The following COL4A5 variants were observed in gnomAD, a reference collection of about 807,000 sequenced individuals.
COL4A5 encodes the protein collagen type IV alpha 5 chain, also known as collagen alpha-5(IV) chain.
In COL4A5, 26 loss-of-function variants were observed where a neutral mutation model predicts 130.2. The ratio of observed to expected loss-of-function variants is 0.20; its 90% CI spans 0.15 to 0.28. The LOEUF is 0.28. COL4A5 is among the 10% of genes least tolerant of loss of function. COL4A5 has a pLI of 1.00. For synonymous variants in COL4A5, 496 were observed against 439.6 expected (o/e 1.13, Z -1.60); for missense variants, 1,131 against 1,344.3 (o/e 0.84, Z 2.48).
At chrX:108,474,426 A>C (rs1427652171) in intron 1 of COL4A5, among the ~76,000 whole-genome samples, 1 of 112,074 alleles carries the variant, frequency 8.9e-6, no homozygotes, top group Non-Finnish European at 1.9e-5. Flanking sequence ...GCCTAGAAGC[A>C]ATAGATTATA....
At chrX:108,683,665 G>A (rs2068484183) in intron 47 of COL4A5, among the ~76,000 whole-genome samples, 1 of 111,389 alleles carries the variant, frequency 9.0e-6, no homozygotes, top group African/African-American at 3.3e-5. Flanking sequence ...AATTGTGAAT[G>A]GGAGTTCACT....
Position 108,584,532 on chromosome X carries a change from T to A in COL4A5, c.1032+7T>A, listed in dbSNP as rs1482887267. ...ACCTGGACCTCCTGGACTTGTAAGT[T>A]TTTTTTTTTTAGTCTTCGTTTATCA... On this transcript the variant is annotated splice_region_variant and intron_variant, in intron 18 of 52. Transcript: ENST00000328300. The A allele has an allele frequency of 8.7e-7, 1 of 1,143,850 alleles. No homozygotes were observed. The highest frequency in any genetic ancestry group is 1.2e-6 in the Non-Finnish European group (1 of 846,659). The allele number at this position is 1,143,850 out of a possible 1,213,427, so 94.3% of individuals were successfully genotyped here. A position where few individuals can be genotyped will look rare whatever the true frequency, so the allele number is the denominator to read the frequency against.
chrX:108,606,888 A>G lies in COL4A5; in HGVS notation c.2391A>G (p.Pro797=). Residue 797 remains proline, a synonymous_variant, in exon 29 of 53, where the codon CCA becomes CCG. Transcript: ENST00000328300. ...GRTGLDGLPG[P]KGDVGPNGQP... is the part of the protein sequence containing the mutation. ...CTGGCTTAGATGGGCTCCCTGGACC[A>G]AAAGGTATGGAGGCTGTCACTGCAT... 8.3e-7 allele frequency: 1 copy of G among 1,210,879 alleles called. No homozygotes were observed. The highest frequency in any genetic ancestry group is 1.1e-6 in the Non-Finnish European group (1 of 894,644).
intron 2 of COL4A5, among the ~76,000 whole-genome samples, chrX:108,551,110 A>G (rs1179492848): frequency 8.9e-6 from 1 of 111,859 alleles, no homozygotes; most frequent in Admixed American, 9.5e-5. Flanking sequence ...TAAGTTCCCA[A>G]AAGCAATTTC....
chrX:108,654,815 T>C (rs935706524), intron 36 of COL4A5, among the ~76,000 whole-genome samples: 3 of 112,356 alleles, frequency 2.7e-5, no homozygotes, highest in African/African-American at 9.7e-5. Context: ...CAGTAGAACG[T>C]ACTATAGCTT....
chrX:108,684,534 C>G (rs768716107), intron 47 of COL4A5, among the ~76,000 whole-genome samples: 1 of 112,053 alleles, frequency 8.9e-6, no homozygotes, highest in Non-Finnish European at 1.9e-5. Context: ...ACACGTACCC[C>G]CTCTCAAGAC....
chrX:108,559,368 T>C (rs1380258368), intron 3 of COL4A5, among the ~76,000 whole-genome samples: 1 of 112,650 alleles, frequency 8.9e-6, no homozygotes, highest in African/African-American at 3.2e-5. Flanking sequence ...ATGCTGTTGA[T>C]TGTTTGTAGT....
At chrX:108,649,527 C>G in intron 36 of COL4A5, among the ~76,000 whole-genome samples, 1 of 112,017 alleles carries the variant, frequency 8.9e-6, no homozygotes, top group Non-Finnish European at 1.9e-5. Context: ...GCCATAGTCA[C>G]CAAAACAGCA....
At chrX:108,446,699 G>A (rs2064455906) in intron 1 of COL4A5, among the ~76,000 whole-genome samples, 1 of 111,755 alleles carries the variant, frequency 8.9e-6, no homozygotes, top group Non-Finnish European at 1.9e-5. Flanking sequence ...TTAAACCAAG[G>A]CTCTAGAACC....
chrX:108,467,238 G>A lies in COL4A5; in HGVS notation c.81+27032G>A, dbSNP rs138295267. On this transcript the variant is annotated intron_variant, in intron 1 of 52. Transcript: ENST00000328300. ...GGTCCAACTTTATTCTTTTAAATGT[G>A]GATATACAGTTGTCCCAGCTGTTAT... 8.6e-4 allele frequency among the ~76,000 whole-genome samples: 96 copies of A among 111,605 alleles called. 1 individual carries two copies. Among genetic ancestry groups the A allele is most frequent in the African/African-American group, 2.8e-3 (87 of 30,731 alleles).
chrX:108,642,275 C>T (rs1346260454), intron 36 of COL4A5, among the ~76,000 whole-genome samples: 4 of 110,430 alleles, frequency 3.6e-5, no homozygotes, highest in African/African-American at 1.3e-4. Flanking sequence ...CCTAGCCCTG[C>T]CCCCACCTGA....
intron 36 of COL4A5, among the ~76,000 whole-genome samples, chrX:108,645,729 C>T (rs1266797393): frequency 1.0e-5 from 1 of 98,879 alleles, no homozygotes; most frequent in African/African-American, 3.8e-5. Flanking sequence ...CTCCTTCCCC[C>T]CTCCCCCGAC....
chrX:108,694,708 A>T, intron 50 of COL4A5, 99 bp from the exon 51 acceptor site: 1 of 628,274 alleles, frequency 1.6e-6, no homozygotes. Flanking sequence ...AAGAGACATT[A>T]ATCGGCTTCC....
chrX:108,480,913 A>T (rs1476176352), intron 1 of COL4A5, among the ~76,000 whole-genome samples: 3 of 111,876 alleles, frequency 2.7e-5, no homozygotes, highest in African/African-American at 9.7e-5. Flanking sequence ...ATTGTTGTTG[A>T]CTTACTATTT....
At chrX:108,666,665 C>A in intron 39 of COL4A5, 71 bp downstream of exon 39, 1 of 865,325 alleles carries the variant, frequency 1.2e-6, no homozygotes, top group Non-Finnish European at 1.7e-6. Flanking sequence ...CTTTTTATTA[C>A]CCACAGTGAA....
At chrX:108,478,937 A>G (rs1172898677) in intron 1 of COL4A5, among the ~76,000 whole-genome samples, 1 of 112,007 alleles carries the variant, frequency 8.9e-6, no homozygotes, top group Non-Finnish European at 1.9e-5. Context: ...TGCCATATCG[A>G]GTGCTCATTT....
chrX:108,602,086 A>G (rs767455779), intron 27 of COL4A5, 97 bp downstream of exon 27: 1 of 499,095 alleles, frequency 2.0e-6, no homozygotes, highest in South Asian at 2.7e-5. Context: ...TATTAATTGC[A>G]CCTTTTTTCT....
intron 1 of COL4A5, among the ~76,000 whole-genome samples, chrX:108,448,149 T>C (rs2064473542): frequency 8.9e-6 from 1 of 112,374 alleles, no homozygotes; most frequent in Non-Finnish European, 1.9e-5. Flanking sequence ...AATCCCTTGC[T>C]TTTCATTAAT....
At chrX:108,625,024 A>G (rs2147870803) in intron 34 of COL4A5, among the ~76,000 whole-genome samples, 1 of 111,405 alleles carries the variant, frequency 9.0e-6, no homozygotes, top group East Asian at 2.8e-4. Context: ...CTCCCTTCCT[A>G]TCTCTCCCTC....
Sources: allele counts gnomAD v4.1 joint callset (sites outside exome capture counted in the v4.1 genomes callset), GRCh38; gene constraint gnomAD v4.1.1; transcripts MANE v1.5; gene names NCBI Gene and HGNC (gene_info 2026-07-23, HGNC 2026-07-21).